The following CD44 variants were observed in gnomAD, a reference collection of about 807,000 sequenced individuals.
CD44 encodes CD44 molecule (IN blood group), also known as CD44 antigen.
CD44 carries 49 observed loss-of-function variants against 88.8 expected under a neutral mutation model. The ratio of observed to expected loss-of-function variants is 0.55; its 90% CI spans 0.44 to 0.70. The LOEUF is 0.70. Ranked by LOEUF, CD44 falls within the 30% of genes least tolerant of loss-of-function variation. The pLI, the probability that CD44 is intolerant of heterozygous loss-of-function variation, is 0.00. For missense variants in CD44, 883 were observed against 913.8 expected (o/e 0.97, Z 0.43); for synonymous variants, 325 against 312.3 (o/e 1.04, Z -0.43).
At chr11:35,165,779 T>G (rs1357884716) in intron 1 of CD44, among the ~76,000 whole-genome samples, 1 of 152,180 alleles carries the variant, frequency 6.6e-6, no homozygotes, top group African/African-American at 2.4e-5. Context: ...TAGCTTATAA[T>G]TAACAGAGTT....
chr11:35,154,820 T>A (rs1055975241), intron 1 of CD44, among the ~76,000 whole-genome samples: 1 of 152,192 alleles, frequency 6.6e-6, no homozygotes, highest in African/African-American at 2.4e-5. Flanking sequence ...AATATTTCTG[T>A]AAGTAACAGA....
chr11:35,212,016 C>G (rs1036582183), intron 14 of CD44, among the ~76,000 whole-genome samples: 1 of 151,926 alleles, frequency 6.6e-6, no homozygotes, highest in Non-Finnish European at 1.5e-5. Context: ...ATGATTTAAT[C>G]TAGTATTAAT....
chr11:35,204,608 A>G lies in CD44; in HGVS notation c.1250A>G (p.Lys417Arg), dbSNP rs9666607. 0.71 allele frequency: 1,144,256 copies of G among 1,611,714 alleles called. 410,458 individuals are homozygous for G. Among genetic ancestry groups the G allele is most frequent in the East Asian group, 0.94 (42,193 of 44,846 alleles). Reference sequence around the variant, plus strand: ...CATGAGGGATATCGCCAAACACCCAAAGAAGACTCCCATTCGACAACAGGG... The same window carrying G: ...CATGAGGGATATCGCCAAACACCCAGAGAAGACTCCCATTCGACAACAGGG... ...RWHEGYRQTP[K>R]EDSHSTTGTA... is the part of the protein sequence containing the mutation. Residue 417 changes from lysine to arginine, a missense_variant, in exon 10 of 18, where the codon AAA becomes AGA. This residue lies in a region of CD44 where 631 missense variants were observed against 590.9 expected (regional missense o/e 1.07). Transcript: ENST00000428726.
intron 1 of CD44, among the ~76,000 whole-genome samples, chr11:35,160,376 G>A (rs909884478): frequency 6.6e-6 from 1 of 152,194 alleles, no homozygotes; most frequent in African/African-American, 2.4e-5. Flanking sequence ...CTGAGAGCAG[G>A]ATGCTGGTAA....
At chr11:35,216,799 A>C (rs543862699) in intron 15 of CD44, among the ~76,000 whole-genome samples, 14 of 152,344 alleles carry the variant, frequency 9.2e-5, no homozygotes, top group Middle Eastern at 3.4e-3. Flanking sequence ...CAGAGTGGAC[A>C]TCACCTAGGA....
At chr11:35,157,670 C>T (rs1942080280) in intron 1 of CD44, among the ~76,000 whole-genome samples, 1 of 152,206 alleles carries the variant, frequency 6.6e-6, no homozygotes, top group Non-Finnish European at 1.5e-5. Context: ...CCACCCCAGT[C>T]CCTGTACCTG....
At chr11:35,188,472 G>A (rs757068949) in intron 4 of CD44, among the ~76,000 whole-genome samples, 5 of 152,188 alleles carry the variant, frequency 3.3e-5, no homozygotes, top group African/African-American at 7.2e-5. Flanking sequence ...TGTATGTCCA[G>A]CCCATAGTAG....
chr11:35,180,833 G>A (rs576106247), intron 3 of CD44, among the ~76,000 whole-genome samples: 1 of 152,332 alleles, frequency 6.6e-6, no homozygotes, highest in African/African-American at 2.4e-5. Context: ...TGAGCCGCAG[G>A]TTGGACAAGC....
intron 17 of CD44, among the ~76,000 whole-genome samples, chr11:35,227,615 A>T (rs781220908): frequency 3.9e-5 from 6 of 152,232 alleles, no homozygotes; most frequent in Non-Finnish European, 5.9e-5. Context: ...AGGAGACAGG[A>T]TCTACCTCCT....
At chr11:35,222,944 G>A in intron 17 of CD44, 1 of 985,324 alleles carries the variant, frequency 1.0e-6, no homozygotes, top group Non-Finnish European at 1.2e-6. Flanking sequence ...ACTGGTTTTT[G>A]GAAAGCAACC....
intron 1 of CD44, among the ~76,000 whole-genome samples, chr11:35,168,837 C>G (rs1943574553): frequency 6.6e-6 from 1 of 152,152 alleles, no homozygotes; most frequent in South Asian, 2.1e-4. Context: ...GCCATGTTCC[C>G]TAGGAGATCT....
chr11:35,183,338 CAA>C (rs5791038), intron 3 of CD44, among the ~76,000 whole-genome samples: 16 of 126,552 alleles, frequency 1.3e-4, no homozygotes, highest in Non-Finnish European at 1.1e-4. Context: ...AGCAATGAGA[CAA>C]AAAAAAAAAA....
intron 1 of CD44, among the ~76,000 whole-genome samples, chr11:35,152,934 A>C (rs1416028835): frequency 3.9e-5 from 6 of 152,182 alleles, no homozygotes; most frequent in African/African-American, 1.4e-4. Context: ...GAAGGTATAA[A>C]CTGAGCTGGG....
intron 1 of CD44, among the ~76,000 whole-genome samples, chr11:35,149,424 A>G (rs1358402209): frequency 2.6e-5 from 4 of 152,246 alleles, no homozygotes; most frequent in Non-Finnish European, 5.9e-5. Context: ...GCCACTTAAC[A>G]GCAGCGTGAG....
chr11:35,229,144 A>G lies in CD44; in HGVS notation c.2040A>G (p.Lys680=). 4.3e-6 allele frequency: 7 copies of G among 1,613,832 alleles called. No homozygotes were observed. Among genetic ancestry groups the G allele is most frequent in the Non-Finnish European group, 5.9e-6 (7 of 1,179,852 alleles). Residue 680 remains lysine, a synonymous_variant, in exon 18 of 18, where the codon AAA becomes AAG. Coordinates refer to ENST00000428726, the MANE Select transcript of CD44 (RefSeq NM_000610.4). The stretch of plus-strand genomic sequence containing the variant: ...AAATTATTAGGTGTGGGCAGAAGAA[A>G]AAGCTAGTGATCAACAGTGGCAATG... ...VNSRRRCGQK[K]KLVINSGNGA...
At chr11:35,159,931 C>T (rs1248992786) in intron 1 of CD44, among the ~76,000 whole-genome samples, 2 of 152,166 alleles carry the variant, frequency 1.3e-5, no homozygotes, top group East Asian at 3.8e-4. Flanking sequence ...TCCTAAGAAA[C>T]TGGATTTTTC....
intron 1 of CD44, among the ~76,000 whole-genome samples, chr11:35,160,276 A>C (rs1942432217): frequency 6.6e-6 from 1 of 151,632 alleles, no homozygotes; most frequent in African/African-American, 2.4e-5. Flanking sequence ...TAGCTGCTGC[A>C]TTTCTCTTAA....
intron 1 of CD44, among the ~76,000 whole-genome samples, chr11:35,157,345 A>C (rs576095403): frequency 6.6e-6 from 1 of 151,560 alleles, no homozygotes; most frequent in Admixed American, 6.6e-5. Flanking sequence ...CTATCTATCT[A>C]TCTATCTATC....
intron 10 of CD44, chr11:35,205,683 A>AT (rs1947757108): frequency 2.1e-6 from 1 of 470,920 alleles, no homozygotes; most frequent in African/African-American, 2.1e-5. Flanking sequence ...CTGTTACCTG[A>AT]TTCCTTTCCT....
Sources: allele counts gnomAD v4.1 joint callset (sites outside exome capture counted in the v4.1 genomes callset), GRCh38; gene constraint gnomAD v4.1.1; regional missense constraint gnomAD v4.1.1; transcripts MANE v1.5; gene names NCBI Gene and HGNC (gene_info 2026-07-23, HGNC 2026-07-21).